ANK3: variants seen among roughly 807,000 people sequenced by gnomAD.
ANK3 encodes ankyrin 3.
Under a neutral mutation model 370.9 loss-of-function variants are expected in ANK3, and 57 were observed. That is an observed-to-expected ratio of 0.15 (90% confidence interval 0.12 to 0.19). The LOEUF is 0.19. Ranked by LOEUF, ANK3 falls within the 10% of genes least tolerant of loss-of-function variation. The probability of loss-of-function intolerance (pLI) is 1.00; values close to 1 mark genes in which losing one functional copy is unlikely to be tolerated. For missense variants in ANK3, 4,439 were observed against 5,302.1 expected (o/e 0.84, Z 5.06); for synonymous variants, 1,929 against 1,946.3 (o/e 0.99, Z 0.23).
intron 21 of ANK3, among the ~76,000 whole-genome samples, chr10:60,169,753 G>T (rs2095731481): frequency 2.6e-5 from 4 of 152,056 alleles, no homozygotes; most frequent in Admixed American, 2.6e-4. Context: ...TGAATTCATG[G>T]ATAGTTATTT....
chr10:60,084,946 A>C (rs1318631464), intron 31 of ANK3, 116 bp from the exon 32 acceptor site: 1 of 816,820 alleles, frequency 1.2e-6, no homozygotes, highest in African/African-American at 1.7e-5. Context: ...AAACGTTATT[A>C]ACTTGTTCAT....
At chr10:60,175,367 C>T (rs563477922) in intron 18 of ANK3, among the ~76,000 whole-genome samples, 10 of 152,336 alleles carry the variant, frequency 6.6e-5, no homozygotes, top group South Asian at 4.1e-4. Context: ...CGCATAAATA[C>T]GCTCAGAGAG....
At chr10:60,205,969 G>A in intron 10 of ANK3, 79 bp from the exon 11 acceptor site, 1 of 920,150 alleles carries the variant, frequency 1.1e-6, no homozygotes, top group Admixed American at 1.9e-5. Context: ...AAATAGTTTT[G>A]CTAAAATGAT....
At chr10:60,494,495 A>C (rs910009218) in intron 2 of ANK3, among the ~76,000 whole-genome samples, 2 of 152,186 alleles carry the variant, frequency 1.3e-5, no homozygotes, top group African/African-American at 4.8e-5. Context: ...GTATTAAAAT[A>C]TTCATGATTA....
intron 1 of ANK3, among the ~76,000 whole-genome samples, chr10:60,337,346 C>A (rs976319431): frequency 6.6e-6 from 1 of 152,116 alleles, no homozygotes; most frequent in African/African-American, 2.4e-5. Flanking sequence ...ATTCTGTTTT[C>A]TGAATTCTCC....
chr10:60,228,513 CAG>C (rs2097196978), intron 8 of ANK3, among the ~76,000 whole-genome samples: 1 of 127,846 alleles, frequency 7.8e-6, no homozygotes, highest in South Asian at 2.5e-4. Context: ...GCCTGGGCAA[CAG>C]AGTGAGACTG....
chr10:60,126,285 TCA>T (rs1190928898), intron 25 of ANK3, among the ~76,000 whole-genome samples: 1 of 152,236 alleles, frequency 6.6e-6, no homozygotes, highest in East Asian at 1.9e-4. Context: ...TCCTCTCTTT[TCA>T]CAGATGCACT....
At position 60,074,066 on chromosome 10, in the gene ANK3, G is replaced by A; in HGVS notation, c.6815C>T (p.Ser2272Leu). 6.2e-7 allele frequency: 1 copy of A among 1,614,090 alleles called. No homozygotes were observed. Among genetic ancestry groups the A allele is most frequent in the Non-Finnish European group, 8.5e-7 (1 of 1,179,976 alleles). ...AAAGGCCTTCATGATGTCATGGACT[G>A]ACATGGTTTCTTCAATTCTTTCAGA... ...GASERIEETM[S>L]VHDIMKAFQS... is the part of the protein sequence containing the mutation. Residue 2272 changes from serine (S) to leucine (L), a missense_variant, in exon 37 of 44, where the codon TCA (serine) becomes TTA (leucine). Transcript: ENST00000280772.
intron 43 of ANK3, among the ~76,000 whole-genome samples, chr10:60,033,514 CAAAAAAAA>C (rs537623584): frequency 1.1e-3 from 58 of 50,628 alleles, no homozygotes; most frequent in African/African-American, 4.0e-3. Flanking sequence ...GACTCAGTCT[CAAAAAAAA>C]AAAAAAAAAA....
intron 33 of ANK3, 90 bp from the exon 34 acceptor site, chr10:60,082,827 A>G: frequency 1.4e-6 from 2 of 1,421,630 alleles, no homozygotes; most frequent in Non-Finnish European, 1.9e-6. Flanking sequence ...TGTTTTATCA[A>G]GCCCTATGAG....
intron 2 of ANK3, among the ~76,000 whole-genome samples, chr10:60,592,176 T>A (rs963822522): frequency 6.6e-6 from 1 of 152,136 alleles, no homozygotes; most frequent in African/African-American, 2.4e-5. Flanking sequence ...TATCAAAACA[T>A]CTCATGTACC....
chr10:60,034,854 A>G (rs1050417908), intron 43 of ANK3, among the ~76,000 whole-genome samples: 2 of 152,134 alleles, frequency 1.3e-5, no homozygotes, highest in African/African-American at 4.8e-5. Context: ...ACTTTTTTCT[A>G]AACATTAATT....
intron 1 of ANK3, among the ~76,000 whole-genome samples, chr10:60,372,718 T>C (rs1487142335): frequency 6.6e-6 from 1 of 152,176 alleles, no homozygotes; most frequent in Admixed American, 6.5e-5. Context: ...GTCCCTTCCA[T>C]CTCTAAGATT....
intron 8 of ANK3, among the ~76,000 whole-genome samples, chr10:60,215,290 T>C (rs771237840): frequency 1.3e-5 from 2 of 152,222 alleles, no homozygotes; most frequent in Non-Finnish European, 2.9e-5. Context: ...TGCAAAAATT[T>C]TCTCCTATCC....
At chr10:60,563,796 T>C (rs962616046) in intron 2 of ANK3, among the ~76,000 whole-genome samples, 7 of 152,180 alleles carry the variant, frequency 4.6e-5, no homozygotes, top group African/African-American at 1.7e-4. Context: ...AATAAATTTA[T>C]ATCATGTTTT....
chr10:60,693,456 C>A (rs1225593871), intron 1 of ANK3, among the ~76,000 whole-genome samples: 1 of 152,236 alleles, frequency 6.6e-6, no homozygotes, highest in Non-Finnish European at 1.5e-5. Flanking sequence ...AGGGAACAGA[C>A]AAACAAAAAG....
intron 7 of ANK3, among the ~76,000 whole-genome samples, chr10:60,238,446 GA>G (rs2097367884): frequency 6.6e-6 from 1 of 152,092 alleles, no homozygotes; most frequent in South Asian, 2.1e-4. Context: ...TGCTGTGGTG[GA>G]AAGGGCAGGA....
chr10:60,632,296 T>G (rs1293691534), intron 1 of ANK3, among the ~76,000 whole-genome samples: 2 of 152,216 alleles, frequency 1.3e-5, no homozygotes, highest in Non-Finnish European at 2.9e-5. Flanking sequence ...TTTCAATCTC[T>G]TCTAATTTAC....
intron 2 of ANK3, among the ~76,000 whole-genome samples, chr10:60,594,562 T>C (rs887748997): frequency 3.9e-5 from 6 of 152,292 alleles, no homozygotes; most frequent in Admixed American, 3.9e-4. Context: ...ACTATCATAG[T>C]TTTTGCATTT....
Sources: gnomAD v4.1 joint callset for allele counts (sites outside exome capture counted in the v4.1 genomes callset) on GRCh38, gnomAD v4.1.1 for gene constraint, MANE v1.5 for transcripts, NCBI Gene and HGNC (gene_info 2026-07-23, HGNC 2026-07-21) for gene names.